DYSF: variants seen among roughly 807,000 people sequenced by gnomAD.
The protein encoded by DYSF is dysferlin.
In DYSF, 212 loss-of-function variants were observed where a neutral mutation model predicts 274.9. The observed-to-expected ratio is 0.77, with a 90% CI of 0.69 to 0.86. The LOEUF (loss-of-function observed/expected upper bound fraction) is 0.86. DYSF is among the 40% of genes least tolerant of loss of function. The pLI is 0.00. For synonymous variants in DYSF, 1,091 were observed against 1,078.7 expected (o/e 1.01, Z -0.22); for missense variants, 2,666 against 2,783.2 (o/e 0.96, Z 0.95).
intron 45 of DYSF, 43 bp from the exon 46 acceptor site, chr2:71,664,225 G>T: frequency 6.2e-7 from 1 of 1,613,024 alleles, no homozygotes; most frequent in Non-Finnish European, 8.5e-7. Flanking sequence ...TGTCCCTTGG[G>T]TGCCCCGTGT....
chr2:71,658,696 A>G (rs1258110806), intron 43 of DYSF, among the ~76,000 whole-genome samples, 182 bp from the exon 44 acceptor site: 1 of 152,166 alleles, frequency 6.6e-6, no homozygotes, highest in African/African-American at 2.4e-5. Context: ...ATACTTATTT[A>G]CTATCACGAG....
intron 1 of DYSF, among the ~76,000 whole-genome samples, chr2:71,473,527 GTC>G (rs1436365175): frequency 1.3e-5 from 2 of 152,086 alleles, no homozygotes; most frequent in African/African-American, 2.4e-5. Context: ...CTGTCTCTCT[GTC>G]TCTCTCACTG....
intron 32 of DYSF, among the ~76,000 whole-genome samples, chr2:71,590,704 A>G (rs1228961537): frequency 6.6e-6 from 1 of 152,004 alleles, no homozygotes; most frequent in East Asian, 1.9e-4. Flanking sequence ...ATCCTGTGCA[A>G]ACCTCCATGT....
At chr2:71,684,679 C>T (rs1003016287) in intron 55 of DYSF, among the ~76,000 whole-genome samples, 2 of 152,178 alleles carry the variant, frequency 1.3e-5, no homozygotes, top group Admixed American at 1.3e-4. Flanking sequence ...AGCAGTAGCA[C>T]CAGGGAACTC....
intron 36 of DYSF, among the ~76,000 whole-genome samples, 175 bp downstream of exon 36, chr2:71,602,980 G>T (rs749055640): frequency 6.6e-6 from 1 of 152,196 alleles, no homozygotes; most frequent in Admixed American, 6.5e-5. Flanking sequence ...GCTGCCCAGA[G>T]TGTGTCCTGG....
At chr2:71,557,968 G>A (rs899043886) in intron 22 of DYSF, among the ~76,000 whole-genome samples, 1 of 151,834 alleles carries the variant, frequency 6.6e-6, no homozygotes, top group African/African-American at 2.4e-5. Flanking sequence ...GGAGGTGGAT[G>A]TTGCAGTGAG....
intron 21 of DYSF, among the ~76,000 whole-genome samples, chr2:71,555,672 G>A (rs1470828411): frequency 6.6e-6 from 1 of 152,164 alleles, no homozygotes; most frequent in Non-Finnish European, 1.5e-5. Context: ...TAGCAGGGAG[G>A]AGTCAGAAGC....
intron 1 of DYSF, among the ~76,000 whole-genome samples, chr2:71,467,558 A>G (rs1266762401): frequency 1.3e-5 from 2 of 152,184 alleles, no homozygotes; most frequent in Non-Finnish European, 2.9e-5. Context: ...GGGGCAGCAG[A>G]GAAATCACAC....
At chr2:71,492,619 C>A (rs1027889428) in intron 3 of DYSF, among the ~76,000 whole-genome samples, 5 of 151,792 alleles carry the variant, frequency 3.3e-5, no homozygotes, top group Non-Finnish European at 5.9e-5. Context: ...ATTCTTTACT[C>A]AGATATACTT....
rs3791822 is a variant in DYSF, at chr2:71,649,738, A to G, written c.4626+5675A>G. Among the ~76,000 whole-genome samples, 50 of 152,360 alleles carry G rather than the reference A, an allele frequency of 3.3e-4. No individual in the cohort carries two copies. The East Asian group carries it at 8.9e-3, about 27-fold the overall frequency. The stretch of plus-strand genomic sequence containing the variant: ...TGTGATATAAATACATTACATGACT[A>G]TATAATTAAACAAGTAAAACCAAGA... On this transcript the variant is annotated intron_variant, in intron 42 of 55. Transcript: ENST00000410020.
At chr2:71,574,604 T>A (rs1298600615) in intron 30 of DYSF, among the ~76,000 whole-genome samples, 1 of 152,210 alleles carries the variant, frequency 6.6e-6, no homozygotes, top group East Asian at 1.9e-4. Flanking sequence ...CACTTGCTGC[T>A]ACTACTTTGA....
intron 3 of DYSF, among the ~76,000 whole-genome samples, chr2:71,500,675 G>A (rs2084891384): frequency 6.6e-6 from 1 of 152,084 alleles, no homozygotes; most frequent in African/African-American, 2.4e-5. Flanking sequence ...GCTTTTCTCG[G>A]CACCCTATGA....
At chr2:71,630,269 A>C (rs551973328) in intron 41 of DYSF, among the ~76,000 whole-genome samples, 30 of 152,318 alleles carry the variant, frequency 2.0e-4, no homozygotes, top group African/African-American at 7.0e-4. Flanking sequence ...TAAGAAGGAA[A>C]CCAGGATCAG....
At position 71,520,835 on chromosome 2, in the gene DYSF, C is replaced by T. The variant is rs886044211; in HGVS notation, c.1080C>T (p.Asp360=). The change falls in exon 12 of 56, where the codon GAC becomes GAT. Residue 360 remains aspartate, a synonymous_variant. Coordinates refer to ENST00000410020, the MANE Select transcript of DYSF (RefSeq NM_001130987.2). The stretch of plus-strand genomic sequence containing the variant: ...GGCTGCTGCTCTCAGACCCTGATGA[C>T]TTCTCTGCTGGGGCCAGAGGCTACC... ...RKWLLLSDPD[D]FSAGARGYLK... is the part of the protein sequence containing the mutation. The T allele has an allele frequency of 1.2e-6, 2 of 1,614,012 alleles. No individual in the cohort carries two copies. The highest frequency in any genetic ancestry group is 1.7e-5 in the Admixed American group (1 of 59,998).
intron 51 of DYSF, 30 bp downstream of exon 51, chr2:71,669,776 C>G: frequency 1.9e-6 from 3 of 1,614,036 alleles, no homozygotes; most frequent in Non-Finnish European, 2.5e-6. Context: ...CCTGTGGTGC[C>G]AGCACCAGGG....
chr2:71,570,678 C>A lies in DYSF; in HGVS notation c.3165C>A (p.His1055Gln), dbSNP rs745672090. The A allele has an allele frequency of 6.2e-7, 1 of 1,614,108 alleles. No individual in the cohort carries two copies. Among genetic ancestry groups the A allele is most frequent in the South Asian group, 1.1e-5 (1 of 91,084 alleles). ...WVPAEKMYYTHRRRRWVRLRR... is the reference protein window; with the variant it reads ...WVPAEKMYYTQRRRRWVRLRR... ...CTGCTGAGAAGATGTACTACACACA[C>A]CGACGGCGGCGCTGGGTGCGCCTGC... The change falls in exon 29 of 56, where the codon CAC becomes CAA. Residue 1055 changes from histidine to glutamine, a missense_variant. Physicochemically the swap from His to Gln is conservative, Grantham distance 24. Around this residue, in one of 3 missense-constraint regions of DYSF, gnomAD observed 1,460 missense variants for 1,502.1 expected, o/e 0.97. Coordinates refer to ENST00000410020, the MANE Select transcript of DYSF (RefSeq NM_001130987.2).
chr2:71,564,519 C>T (rs1313168804), intron 24 of DYSF, among the ~76,000 whole-genome samples: 1 of 152,192 alleles, frequency 6.6e-6, no homozygotes, highest in Non-Finnish European at 1.5e-5. Flanking sequence ...TGTGTTTGTC[C>T]TTCCAGGCAG....
intron 1 of DYSF, among the ~76,000 whole-genome samples, chr2:71,467,341 C>T (rs2081606104): frequency 6.6e-6 from 1 of 151,976 alleles, no homozygotes; most frequent in Non-Finnish European, 1.5e-5. Flanking sequence ...TGTCTTTTTT[C>T]ATTCATTCAT....
intron 41 of DYSF, among the ~76,000 whole-genome samples, chr2:71,629,627 G>T (rs1207381582): frequency 6.6e-6 from 1 of 152,198 alleles, no homozygotes; most frequent in African/African-American, 2.4e-5. Context: ...TAAATGTTCA[G>T]TGTGTGGCTT....
Sources: gnomAD v4.1 joint callset for allele counts (sites outside exome capture counted in the v4.1 genomes callset) on GRCh38, gnomAD v4.1.1 for gene constraint, gnomAD v4.1.1 regional missense constraint, MANE v1.5 for transcripts, NCBI Gene and HGNC (gene_info 2026-07-23, HGNC 2026-07-21) for gene names.